DSCAM: variants seen among roughly 807,000 people sequenced by gnomAD.
DSCAM encodes the protein cell adhesion molecule DSCAM.
A neutral mutation model predicts 217.7 loss-of-function variants in DSCAM; 47 were observed. That is an observed-to-expected ratio of 0.22 (90% CI 0.17 to 0.28). The LOEUF is 0.28. Ranked by LOEUF, DSCAM falls within the 10% of genes least tolerant of loss-of-function variation. The pLI, the probability that DSCAM is intolerant of heterozygous loss-of-function variation, is 1.00. For missense variants in DSCAM, 2,080 were observed against 2,618.3 expected (o/e 0.79, Z 4.49); for synonymous variants, 1,056 against 1,015.3 (o/e 1.04, Z -0.76).
chr21:40,463,674 A>T (rs2075822746), intron 3 of DSCAM, among the ~76,000 whole-genome samples: 1 of 152,172 alleles, frequency 6.6e-6, no homozygotes, highest in Non-Finnish European at 1.5e-5. Flanking sequence ...CTGGCTTTCA[A>T]ATCACAGATT....
chr21:40,130,586 C>T (rs144684463), intron 19 of DSCAM, among the ~76,000 whole-genome samples: 40 of 151,944 alleles, frequency 2.6e-4, no homozygotes, highest in African/African-American at 8.7e-4. Flanking sequence ...CCTGAGGCTC[C>T]GACCACAGAC....
chr21:40,811,273 A>G (rs1459625709), intron 1 of DSCAM, among the ~76,000 whole-genome samples: 3 of 152,348 alleles, frequency 2.0e-5, no homozygotes, highest in Admixed American at 1.3e-4. Flanking sequence ...AGGGTGTTAT[A>G]TATTAGCCAG....
intron 20 of DSCAM, among the ~76,000 whole-genome samples, chr21:40,101,806 C>T (rs756842437): frequency 6.6e-5 from 10 of 151,876 alleles, no homozygotes; most frequent in Non-Finnish European, 1.3e-4. Flanking sequence ...TCCAGGCAGA[C>T]ACTGCTGCCT....
chr21:40,267,290 GTAGTC>G (rs937212676), intron 11 of DSCAM, among the ~76,000 whole-genome samples: 12 of 151,528 alleles, frequency 7.9e-5, no homozygotes, highest in African/African-American at 2.9e-4. Context: ...AGTAGAAGGA[GTAGTC>G]TAAAGTAATT....
intron 3 of DSCAM, among the ~76,000 whole-genome samples, chr21:40,510,783 G>A (rs984978857): frequency 6.6e-6 from 1 of 152,184 alleles, no homozygotes; most frequent in Non-Finnish European, 1.5e-5. Flanking sequence ...CCTTTTCAGT[G>A]TCTGTAAGTT....
intron 11 of DSCAM, among the ~76,000 whole-genome samples, chr21:40,259,847 C>T (rs2073425971): frequency 6.6e-6 from 1 of 151,140 alleles, no homozygotes; most frequent in Non-Finnish European, 1.5e-5. Context: ...TATAAATGAC[C>T]CTGTCTCCTT....
intron 3 of DSCAM, among the ~76,000 whole-genome samples, chr21:40,614,450 T>C (rs1358938836): frequency 1.3e-5 from 2 of 152,152 alleles, no homozygotes; most frequent in East Asian, 1.9e-4. Flanking sequence ...TTTTAAAAAT[T>C]AGAAATCATT....
At chr21:40,261,028 C>T (rs1303658753) in intron 11 of DSCAM, among the ~76,000 whole-genome samples, 3 of 152,126 alleles carry the variant, frequency 2.0e-5, no homozygotes, top group African/African-American at 4.8e-5. Context: ...AAGACCCCTC[C>T]GTTATCATGT....
intron 3 of DSCAM, among the ~76,000 whole-genome samples, chr21:40,590,612 T>C (rs58070021): frequency 0.03 from 4,611 of 151,782 alleles, 200 homozygotes; most frequent in East Asian, 0.093. Flanking sequence ...TAGCTAGTAA[T>C]AGCAATAATA....
At chr21:40,436,912 A>G (rs569484201) in intron 3 of DSCAM, among the ~76,000 whole-genome samples, 3 of 152,270 alleles carry the variant, frequency 2.0e-5, no homozygotes, top group Middle Eastern at 6.8e-3. Flanking sequence ...TTAATAAGTT[A>G]TTGTAAATTT....
At chr21:40,667,263 C>G (rs2146393002) in intron 3 of DSCAM, among the ~76,000 whole-genome samples, 1 of 152,298 alleles carries the variant, frequency 6.6e-6, no homozygotes, top group Non-Finnish European at 1.5e-5. Flanking sequence ...CCACCTTCAC[C>G]TACAAGCTGA....
intron 10 of DSCAM, among the ~76,000 whole-genome samples, chr21:40,292,944 G>T (rs913243875): frequency 6.6e-6 from 1 of 152,070 alleles, no homozygotes; most frequent in Admixed American, 6.6e-5. Context: ...CACCGTGTTA[G>T]CCAGGATGGT....
chr21:40,685,445 G>T (rs144552560), intron 3 of DSCAM, among the ~76,000 whole-genome samples: 2 of 152,216 alleles, frequency 1.3e-5, no homozygotes, highest in South Asian at 4.1e-4. Context: ...AACATACCAG[G>T]GTGCCTACGT....
At chr21:40,480,084 C>T (rs2075969569) in intron 3 of DSCAM, among the ~76,000 whole-genome samples, 1 of 152,062 alleles carries the variant, frequency 6.6e-6, no homozygotes, top group South Asian at 2.1e-4. Context: ...CTGCCTGCAC[C>T]CAACATTAAG....
intron 3 of DSCAM, among the ~76,000 whole-genome samples, chr21:40,606,038 C>T (rs1268002442): frequency 1.1e-4 from 17 of 152,002 alleles, no homozygotes; most frequent in Middle Eastern, 6.8e-3. Flanking sequence ...TGAACTCAGG[C>T]GAACCACCCA....
intron 6 of DSCAM, among the ~76,000 whole-genome samples, chr21:40,341,263 T>C (rs1350072127): frequency 6.6e-6 from 1 of 152,226 alleles, no homozygotes; most frequent in Non-Finnish European, 1.5e-5. Context: ...GTCATCATGA[T>C]TGCTATTCAT....
chr21:40,081,610 C>A (rs149839823), intron 24 of DSCAM, among the ~76,000 whole-genome samples: 1 of 152,272 alleles, frequency 6.6e-6, no homozygotes, highest in East Asian at 1.9e-4. Flanking sequence ...AGCCTGTATT[C>A]CAGCCGCCCT....
In DSCAM at chr21:40,133,978, T is replaced by C. The variant is rs1416415895; in HGVS notation, c.3438A>G (p.Thr1146=). Residue 1146 remains threonine, a synonymous_variant, in exon 19 of 33, where the codon ACA becomes ACG. Coordinates refer to ENST00000400454, the MANE Select transcript of DSCAM (RefSeq NM_001389.5). ...ELGEIKNITT[T]QPSLELDGLE... is the part of the protein sequence containing the mutation. Reference sequence around the variant, plus strand: ...GCCCGTCCAGCTCCAGTGAAGGCTGTGTGGTGGTGATGTTTTTAATCTCAC... The same window carrying C: ...GCCCGTCCAGCTCCAGTGAAGGCTGCGTGGTGGTGATGTTTTTAATCTCAC... 3 of 1,612,606 alleles carry C rather than the reference T, an allele frequency of 1.9e-6. No individual in the cohort carries two copies. The highest frequency in any genetic ancestry group is 2.2e-5 in the East Asian group (1 of 44,710).
At chr21:40,669,571 C>T (rs1400967073) in intron 3 of DSCAM, among the ~76,000 whole-genome samples, 5 of 142,748 alleles carry the variant, frequency 3.5e-5, no homozygotes, top group South Asian at 2.3e-4. Context: ...ATTCTATTTT[C>T]CCAAATGTTG....
Sources: gnomAD v4.1 joint callset for allele counts (sites outside exome capture counted in the v4.1 genomes callset) on GRCh38, gnomAD v4.1.1 for gene constraint, MANE v1.5 for transcripts, NCBI Gene and HGNC (gene_info 2026-07-23, HGNC 2026-07-21) for gene names.